Variants in MAP4 observed in about 807,000 individuals in gnomAD.
MAP4 encodes microtubule-associated protein 4.
In MAP4, 76 loss-of-function variants were observed where a neutral mutation model predicts 170.2. The observed-to-expected ratio is 0.45, with a 90% confidence interval of 0.37 to 0.54. The LOEUF (loss-of-function observed/expected upper bound fraction) is 0.54, where lower values mean the gene tolerates loss of function less well. Among genes scored for constraint, MAP4 ranks in the 20% least tolerant of loss-of-function variants. MAP4 has a pLI of 0.00. For missense variants in MAP4, 2,506 were observed against 2,748.0 expected (o/e 0.91, Z 1.97); for synonymous variants, 909 against 994.5 (o/e 0.91, Z 1.62).
At chr3:47,993,694 A>T (rs2100093729) in intron 2 of MAP4, among the ~76,000 whole-genome samples, 1 of 152,234 alleles carries the variant, frequency 6.6e-6, no homozygotes, top group Admixed American at 6.5e-5. Context: ...AATCCTAAAG[A>T]CAAAGCACAA....
chr3:47,999,236 T>C (rs1401350861), intron 1 of MAP4, among the ~76,000 whole-genome samples: 1 of 152,164 alleles, frequency 6.6e-6, no homozygotes, highest in Non-Finnish European at 1.5e-5. Flanking sequence ...AAATCAGGTC[T>C]TTACATAGTT....
chr3:47,971,030 T>A (rs1374307138), intron 3 of MAP4, among the ~76,000 whole-genome samples: 2 of 152,202 alleles, frequency 1.3e-5, no homozygotes, highest in African/African-American at 4.8e-5. Flanking sequence ...TAACATCTTG[T>A]ATATGGGTAT....
chr3:47,974,422 CAAAAACA>C, intron 3 of MAP4: 1 of 973,586 alleles, frequency 1.0e-6, no homozygotes, highest in South Asian at 4.8e-5. Flanking sequence ...GACCCTGTCT[CAAAAACA>C]AAAAACAATG....
At position 47,852,857 on chromosome 3, in the gene MAP4, G is replaced by T. The variant is rs1445087418; in HGVS notation, c.*77C>A. ...CCCGAGTTGGGGCCGCCAGGGAAGT[G>T]TGGGGGGCGGGAGACAATGTCGGCC... On this transcript the variant is annotated 3_prime_UTR_variant, in exon 21 of 21. Coordinates refer to ENST00000683076, the MANE Select transcript of MAP4 (RefSeq NM_001385682.1). 5.8e-6 allele frequency: 9 copies of T among 1,564,782 alleles called. No individual in the cohort carries two copies. Among genetic ancestry groups the T allele is most frequent in the Non-Finnish European group, 7.8e-6 (9 of 1,154,632 alleles).
chr3:47,998,551 C>G, intron 2 of MAP4, 87 bp downstream of exon 2: 1 of 1,067,522 alleles, frequency 9.4e-7, no homozygotes, highest in Non-Finnish European at 1.4e-6. Flanking sequence ...AAACTCAGCT[C>G]AATTCTCAGT....
chr3:47,982,785 G>A (rs550332957), intron 2 of MAP4, among the ~76,000 whole-genome samples: 6 of 152,204 alleles, frequency 3.9e-5, no homozygotes, highest in African/African-American at 1.4e-4. Flanking sequence ...GGAATCAAAT[G>A]AAAGTAAAGC....
At chr3:48,034,813 G>C (rs192696294) in intron 1 of MAP4, among the ~76,000 whole-genome samples, 1 of 152,192 alleles carries the variant, frequency 6.6e-6, no homozygotes, top group East Asian at 1.9e-4. Context: ...AGGAGTTCAA[G>C]ACCAGCCTAG....
intron 1 of MAP4, among the ~76,000 whole-genome samples, 200 bp downstream of exon 1, chr3:48,016,134 C>T (rs1180742546): frequency 6.6e-6 from 1 of 152,210 alleles, no homozygotes; most frequent in Non-Finnish European, 1.5e-5. Flanking sequence ...CACACAGCTA[C>T]ATTCCTACAT....
At chr3:47,965,202 TA>T (rs2100074134) in intron 3 of MAP4, among the ~76,000 whole-genome samples, 1 of 152,222 alleles carries the variant, frequency 6.6e-6, no homozygotes, top group African/African-American at 2.4e-5. Flanking sequence ...CTTCAAGGTT[TA>T]TTCATGTTGT....
intron 10 of MAP4, among the ~76,000 whole-genome samples, chr3:47,881,131 T>C (rs576194624): frequency 9.2e-5 from 14 of 152,216 alleles, no homozygotes; most frequent in East Asian, 1.9e-4. Context: ...TGATCCTTTA[T>C]TCTTTTCTCC....
chr3:47,979,489 T>C (rs1444461762), intron 2 of MAP4, among the ~76,000 whole-genome samples: 1 of 152,210 alleles, frequency 6.6e-6, no homozygotes, highest in East Asian at 1.9e-4. Flanking sequence ...GGAGTCTCTC[T>C]CTGTCGCCCA....
intron 1 of MAP4, among the ~76,000 whole-genome samples, chr3:48,071,663 A>G (rs1269129536): frequency 6.6e-6 from 1 of 152,150 alleles, no homozygotes; most frequent in Non-Finnish European, 1.5e-5. Context: ...AGTCGCTCAC[A>G]CCTGTAACTC....
chr3:47,943,740 C>T (rs1002097745), intron 3 of MAP4, among the ~76,000 whole-genome samples: 7 of 151,994 alleles, frequency 4.6e-5, no homozygotes, highest in African/African-American at 1.7e-4. Context: ...AACACCAAGG[C>T]ATTTGAAGGA....
intron 2 of MAP4, among the ~76,000 whole-genome samples, chr3:47,997,830 T>C (rs1210083480): frequency 6.6e-6 from 1 of 152,128 alleles, no homozygotes; most frequent in Non-Finnish European, 1.5e-5. Context: ...GCAACATTTA[T>C]GCCAGGAAAG....
chr3:47,931,487 T>G (rs574052289), intron 3 of MAP4, among the ~76,000 whole-genome samples: 3 of 152,232 alleles, frequency 2.0e-5, no homozygotes, highest in African/African-American at 7.2e-5. Context: ...TTGCTCTTTT[T>G]TTGTTGTTGA....
chr3:47,863,266 G>A (rs1442143864), intron 17 of MAP4, among the ~76,000 whole-genome samples: 1 of 152,234 alleles, frequency 6.6e-6, no homozygotes, highest in Non-Finnish European at 1.5e-5. Flanking sequence ...ATGAGCCGCT[G>A]TGCCCAGCCC....
chr3:48,060,545 T>C lies in MAP4; in HGVS notation c.-20+28228A>G, dbSNP rs560235344. Among the ~76,000 whole-genome samples, 54 of 152,206 alleles carry C rather than the reference T, an allele frequency of 3.5e-4. No homozygotes were observed. In the South Asian group the frequency reaches 0.01, roughly 29 times the overall value. ...AAAAATTCTGATCTGCAAAATACAC[T>C]GCTAAGAGAATAGAAACTCAACAGA... On this transcript the variant is annotated intron_variant, in intron 1 of 18. Coordinates refer to the MAP4 transcript ENST00000360240.
intron 1 of MAP4, among the ~76,000 whole-genome samples, chr3:48,010,812 G>A (rs967306717): frequency 6.6e-6 from 1 of 152,108 alleles, no homozygotes; most frequent in African/African-American, 2.4e-5. Context: ...ATGAAGAGAT[G>A]GGCCTAGCCT....
chr3:48,051,548 T>C (rs2100127864), intron 1 of MAP4, among the ~76,000 whole-genome samples: 1 of 152,218 alleles, frequency 6.6e-6, no homozygotes, highest in Non-Finnish European at 1.5e-5. Flanking sequence ...ACACATTCTT[T>C]TTTATGGTTA....
Sources: gnomAD v4.1 joint callset for allele counts (sites outside exome capture counted in the v4.1 genomes callset) on GRCh38, gnomAD v4.1.1 for gene constraint, MANE v1.5 for transcripts, NCBI Gene and HGNC (gene_info 2026-07-23, HGNC 2026-07-21) for gene names.